The following ARHGAP15 variants were observed in gnomAD, a reference collection of about 807,000 sequenced individuals.
The protein encoded by ARHGAP15 is Rho GTPase activating protein 15.
Under a neutral mutation model 63.7 loss-of-function variants are expected in ARHGAP15, and 51 were observed. The ratio of observed to expected loss-of-function variants is 0.80; its 90% confidence interval spans 0.64 to 1.01. The LOEUF (loss-of-function observed/expected upper bound fraction) is 1.01. Among genes scored for constraint, ARHGAP15 ranks in the 50% least tolerant of loss-of-function variants. ARHGAP15 has a pLI of 0.00. For missense variants in ARHGAP15, 560 were observed against 564.6 expected (o/e 0.99, Z 0.08); for synonymous variants, 191 against 193.8 (o/e 0.99, Z 0.12).
At chr2:143,612,499 G>T (rs1269735224) in intron 11 of ARHGAP15, among the ~76,000 whole-genome samples, 1 of 152,184 alleles carries the variant, frequency 6.6e-6, no homozygotes, top group African/African-American at 2.4e-5. Context: ...AAAATCCTAT[G>T]CACTTCTCAC....
intron 6 of ARHGAP15, 78 bp downstream of exon 6, chr2:143,250,678 C>T: frequency 8.4e-7 from 1 of 1,192,788 alleles, no homozygotes; most frequent in Non-Finnish European, 1.2e-6. Flanking sequence ...AATAAGACTA[C>T]CTTCTTGTGA....
intron 9 of ARHGAP15, among the ~76,000 whole-genome samples, chr2:143,516,742 T>A (rs373170306): frequency 1.3e-5 from 2 of 152,204 alleles, no homozygotes; most frequent in East Asian, 3.8e-4. Flanking sequence ...CTGGGTTATT[T>A]TTTCCTAGAT....
intron 1 of ARHGAP15, among the ~76,000 whole-genome samples, chr2:143,130,223 A>C (rs1269207146): frequency 6.6e-6 from 1 of 152,088 alleles, no homozygotes; most frequent in East Asian, 1.9e-4. Context: ...CAAAATAATA[A>C]ACCTTAGAAA....
chr2:143,197,003 G>A (rs1383226465), intron 2 of ARHGAP15, among the ~76,000 whole-genome samples: 3 of 151,872 alleles, frequency 2.0e-5, no homozygotes, highest in Non-Finnish European at 2.9e-5. Flanking sequence ...AAAGCAAAAA[G>A]GATTGAAGAT....
chr2:143,240,607 G>A (rs1175182122), intron 5 of ARHGAP15, among the ~76,000 whole-genome samples: 1 of 152,098 alleles, frequency 6.6e-6, no homozygotes, highest in Non-Finnish European at 1.5e-5. Context: ...TAGTACTCTT[G>A]CCACATCAGC....
At chr2:143,738,220 G>C (rs193256244) in intron 13 of ARHGAP15, among the ~76,000 whole-genome samples, 22 of 152,088 alleles carry the variant, frequency 1.4e-4, no homozygotes, top group Middle Eastern at 3.4e-3. Flanking sequence ...GCTGAGACAA[G>C]CCTTAGAAAC....
intron 4 of ARHGAP15, among the ~76,000 whole-genome samples, chr2:143,219,549 G>C (rs190367894): frequency 1.3e-5 from 2 of 152,256 alleles, no homozygotes; most frequent in Admixed American, 1.3e-4. Context: ...CTTTGAACCT[G>C]TTAGGAATTT....
intron 6 of ARHGAP15, among the ~76,000 whole-genome samples, chr2:143,301,565 G>A (rs1574237338): frequency 1.3e-5 from 2 of 151,990 alleles, no homozygotes; most frequent in African/African-American, 4.8e-5. Context: ...TCTTCATAGA[G>A]TTTATGATGT....
At chr2:143,259,171 T>G (rs1680586916) in intron 6 of ARHGAP15, among the ~76,000 whole-genome samples, 1 of 152,160 alleles carries the variant, frequency 6.6e-6, no homozygotes, top group African/African-American at 2.4e-5. Context: ...ACATACTCTT[T>G]TGATGTGTAG....
intron 8 of ARHGAP15, among the ~76,000 whole-genome samples, chr2:143,467,017 G>A (rs967539809): frequency 4.6e-5 from 7 of 152,016 alleles, no homozygotes; most frequent in African/African-American, 1.4e-4. Flanking sequence ...AAGGAAAAAC[G>A]TCTTTAATTT....
chr2:143,513,846 G>A (rs1428169530), intron 9 of ARHGAP15, among the ~76,000 whole-genome samples: 1 of 152,232 alleles, frequency 6.6e-6, no homozygotes, highest in Middle Eastern at 3.4e-3. Flanking sequence ...GCCATGACAG[G>A]TTTATTGTCT....
chr2:143,205,222 G>A (rs1251309147), intron 3 of ARHGAP15, among the ~76,000 whole-genome samples: 2 of 150,844 alleles, frequency 1.3e-5, no homozygotes, highest in East Asian at 1.9e-4. Context: ...TTGGGGTGGA[G>A]GTTGCAGTGA....
chr2:143,743,069 G>A (rs562934747), intron 13 of ARHGAP15, among the ~76,000 whole-genome samples: 9 of 152,266 alleles, frequency 5.9e-5, no homozygotes, highest in African/African-American at 1.7e-4. Flanking sequence ...AGAGAGCGGC[G>A]ACTGAGGAAA....
At chr2:143,158,577 C>A (rs1011077899) in intron 2 of ARHGAP15, among the ~76,000 whole-genome samples, 2 of 151,784 alleles carry the variant, frequency 1.3e-5, no homozygotes, top group African/African-American at 4.8e-5. Context: ...AAAGAAGTTA[C>A]TTTTTGACGT....
chr2:143,536,441 T>A (rs745780817), intron 10 of ARHGAP15, among the ~76,000 whole-genome samples: 1 of 152,100 alleles, frequency 6.6e-6, no homozygotes, highest in Non-Finnish European at 1.5e-5. Context: ...GTTACATATG[T>A]GTACATGTGC....
At chr2:143,383,259 T>C (rs1201620049) in intron 6 of ARHGAP15, among the ~76,000 whole-genome samples, 1 of 152,190 alleles carries the variant, frequency 6.6e-6, no homozygotes, top group Non-Finnish European at 1.5e-5. Flanking sequence ...TAACAAATAA[T>C]GTATAATTGT....
At chr2:143,756,763 G>A (rs942474331) in intron 13 of ARHGAP15, among the ~76,000 whole-genome samples, 5 of 152,138 alleles carry the variant, frequency 3.3e-5, no homozygotes, top group Non-Finnish European at 5.9e-5. Context: ...GGTAATACAT[G>A]TTAATTTGGT....
chr2:143,635,526 C>T (rs887863026), intron 12 of ARHGAP15, among the ~76,000 whole-genome samples: 3 of 152,184 alleles, frequency 2.0e-5, no homozygotes, highest in African/African-American at 7.2e-5. Flanking sequence ...TCATAAGCAC[C>T]TTGAATTGTG....
intron 10 of ARHGAP15, among the ~76,000 whole-genome samples, chr2:143,552,929 T>TA (rs1695635301): frequency 6.6e-6 from 1 of 152,162 alleles, no homozygotes; most frequent in South Asian, 2.1e-4. Flanking sequence ...GTTGGTCATT[T>TA]AAAAATCATA....
Sources: gnomAD v4.1 joint callset for allele counts (sites outside exome capture counted in the v4.1 genomes callset) on GRCh38, gnomAD v4.1.1 for gene constraint, MANE v1.5 for transcripts, NCBI Gene and HGNC (gene_info 2026-07-23, HGNC 2026-07-21) for gene names.